The following BICC1 variants were observed in gnomAD, a reference collection of about 807,000 sequenced individuals.
The protein encoded by BICC1 is protein bicaudal C homolog 1.
A neutral mutation model predicts 111.0 loss-of-function variants in BICC1; 43 were observed. The observed-to-expected ratio is 0.39, with a 90% CI of 0.30 to 0.50. The LOEUF (loss-of-function observed/expected upper bound fraction) is 0.50. Ranked by LOEUF, BICC1 falls within the 20% of genes least tolerant of loss-of-function variation. BICC1 has a pLI of 0.88. For missense variants in BICC1, 1,091 were observed against 1,203.2 expected (o/e 0.91, Z 1.38); for synonymous variants, 467 against 434.4 (o/e 1.07, Z -0.93).
At chr10:58,598,825 A>T (rs1844924620) in intron 1 of BICC1, among the ~76,000 whole-genome samples, 1 of 152,134 alleles carries the variant, frequency 6.6e-6, no homozygotes, top group African/African-American at 2.4e-5. Flanking sequence ...AAACAACCCC[A>T]TAAAAAAATG....
chr10:58,685,564 A>G (rs1387036665), intron 2 of BICC1, among the ~76,000 whole-genome samples: 2 of 152,302 alleles, frequency 1.3e-5, no homozygotes, highest in South Asian at 2.1e-4. Flanking sequence ...TATTGGGTGC[A>G]TGTATATTTA....
chr10:58,784,689 TA>T (rs58144884), intron 3 of BICC1, among the ~76,000 whole-genome samples: 116,173 of 151,796 alleles, frequency 0.77, 45,188 homozygotes, highest in East Asian at 1. Context: ...ATCCAATTTA[TA>T]AAAAAAAATT....
chr10:58,792,388 A>T (rs1261252768), intron 8 of BICC1, among the ~76,000 whole-genome samples: 1 of 152,192 alleles, frequency 6.6e-6, no homozygotes, highest in African/African-American at 2.4e-5. Context: ...GCTTTTGATG[A>T]GTTAAGGCAG....
At chr10:58,656,127 C>G (rs924199819) in intron 2 of BICC1, among the ~76,000 whole-genome samples, 3 of 152,092 alleles carry the variant, frequency 2.0e-5, no homozygotes, top group Non-Finnish European at 2.9e-5. Flanking sequence ...TTGACACATA[C>G]ACTCTCCCAA....
At chr10:58,702,748 A>G (rs971283416) in intron 3 of BICC1, among the ~76,000 whole-genome samples, 1 of 152,188 alleles carries the variant, frequency 6.6e-6, no homozygotes, top group Non-Finnish European at 1.5e-5. Flanking sequence ...TGACCTGCCA[A>G]TATATATTTT....
At chr10:58,802,967 G>A (rs991656455) in intron 14 of BICC1, 110 bp from the exon 15 acceptor site, 18 of 1,059,636 alleles carry the variant, frequency 1.7e-5, no homozygotes, top group Admixed American at 6.6e-5. Context: ...GAGAGACTAC[G>A]TGTAAATAGC....
intron 1 of BICC1, among the ~76,000 whole-genome samples, chr10:58,596,812 AAG>A (rs903068791): frequency 6.6e-6 from 1 of 152,168 alleles, no homozygotes; most frequent in African/African-American, 2.4e-5. Flanking sequence ...AATTGCTACT[AAG>A]AGAGTAAAAT....
intron 3 of BICC1, among the ~76,000 whole-genome samples, chr10:58,718,202 G>A (rs1320656641): frequency 6.6e-6 from 1 of 152,170 alleles, no homozygotes; most frequent in Non-Finnish European, 1.5e-5. Context: ...CAGTTCTGGA[G>A]ACTGGGAAGT....
chr10:58,736,804 T>C lies in BICC1; in HGVS notation c.307+34661T>C, dbSNP rs532047913. 5.3e-5 allele frequency among the ~76,000 whole-genome samples: 8 copies of C among 152,276 alleles called. No homozygotes were observed. In the East Asian group the frequency reaches 1.5e-3, roughly 29 times the overall value. On this transcript the variant is annotated intron_variant, in intron 3 of 20. Transcript: ENST00000373886. ...AAGAACAGTAGTCTTTGTGATTACC[T>C]AATACTGGATGGAGAGGTGAGCTGA...
chr10:58,687,482 G>A (rs949246025), intron 2 of BICC1, among the ~76,000 whole-genome samples: 2 of 152,226 alleles, frequency 1.3e-5, no homozygotes, highest in African/African-American at 2.4e-5. Context: ...AGTCTACAGA[G>A]GGAGGCAGGC....
At chr10:58,711,902 C>T (rs1300233566) in intron 3 of BICC1, among the ~76,000 whole-genome samples, 1 of 146,346 alleles carries the variant, frequency 6.8e-6, no homozygotes, top group East Asian at 2.1e-4. Context: ...AAAGTGAAAA[C>T]ATCAACAGAA....
chr10:58,642,806 G>A lies in BICC1; in HGVS notation c.237+21905G>A, dbSNP rs1388418120. ...TGCAGTCTTGACCTCCTGGGCTTAGGCAATTCTCCCCACTCAGCCTCCTGA... is the reference window on the plus strand; with the variant it reads ...TGCAGTCTTGACCTCCTGGGCTTAGACAATTCTCCCCACTCAGCCTCCTGA... On this transcript the variant is annotated intron_variant, in intron 2 of 20. Transcript: ENST00000373886. Among the ~76,000 whole-genome samples the A allele has an allele frequency of 3.3e-5, 5 of 152,112 alleles. No homozygotes were observed. The East Asian group carries it at 7.7e-4, about 24-fold the overall frequency.
intron 3 of BICC1, among the ~76,000 whole-genome samples, chr10:58,711,775 A>G (rs1391959410): frequency 6.6e-6 from 1 of 151,502 alleles, no homozygotes; most frequent in Admixed American, 6.6e-5. Flanking sequence ...CTCAAGCCTA[A>G]ATAAGCAAAT....
intron 2 of BICC1, among the ~76,000 whole-genome samples, chr10:58,664,235 A>G (rs777763059): frequency 6.6e-5 from 10 of 152,156 alleles, no homozygotes; most frequent in South Asian, 2.1e-4. Context: ...GTTATTATCT[A>G]TCTTTTGAAA....
At position 58,513,232 on chromosome 10, in the gene BICC1, G is replaced by C. The variant is rs760166227; in HGVS notation, c.89G>C (p.Gly30Ala). 14 of 1,612,710 alleles carry C rather than the reference G, an allele frequency of 8.7e-6. No homozygotes were observed. The Admixed American group carries it at 2.0e-4, about 23-fold the overall frequency. ...SERSTDSPVP[G>A]SEDDLVAGAT... ...CGCAGCACCGACTCCCCAGTGCCCG[G>C]CTCCGAGGACGACTTGGTCGCCGGG... The change falls in exon 1 of 21, where the codon GGC becomes GCC. Residue 30 changes from glycine to alanine, a missense_variant. This residue lies in a region of BICC1 where 843 missense variants were observed against 900.8 expected (regional missense o/e 0.94). Coordinates refer to ENST00000373886, the MANE Select transcript of BICC1 (RefSeq NM_001080512.3).
intron 1 of BICC1, among the ~76,000 whole-genome samples, chr10:58,602,292 T>A (rs1357581309): frequency 6.6e-6 from 1 of 152,166 alleles, no homozygotes; most frequent in East Asian, 1.9e-4. Context: ...AAGTTATGGC[T>A]TAGAGTATGA....
chr10:58,731,040 T>G (rs1841275614), intron 3 of BICC1, among the ~76,000 whole-genome samples: 1 of 152,210 alleles, frequency 6.6e-6, no homozygotes. Flanking sequence ...AGTACCAGTT[T>G]CAGATAACAT....
chr10:58,541,463 A>G (rs1842979198), intron 1 of BICC1, among the ~76,000 whole-genome samples: 1 of 152,148 alleles, frequency 6.6e-6, no homozygotes, highest in Admixed American at 6.6e-5. Context: ...AGTAGCATCA[A>G]AAAGAATAAA....
At chr10:58,520,290 A>G (rs905928412) in intron 1 of BICC1, among the ~76,000 whole-genome samples, 1 of 152,204 alleles carries the variant, frequency 6.6e-6, no homozygotes, top group Non-Finnish European at 1.5e-5. Context: ...TTGCTAATTT[A>G]TAGTGGTTTT....
Sources: gnomAD v4.1 joint callset for allele counts (sites outside exome capture counted in the v4.1 genomes callset) on GRCh38, gnomAD v4.1.1 for gene constraint, gnomAD v4.1.1 regional missense constraint, MANE v1.5 for transcripts, NCBI Gene and HGNC (gene_info 2026-07-23, HGNC 2026-07-21) for gene names.